Variants in PPP1R9A observed in about 807,000 individuals in gnomAD.
PPP1R9A encodes the protein protein phosphatase 1 regulatory subunit 9A.
A neutral mutation model predicts 141.9 loss-of-function variants in PPP1R9A; 59 were observed. The observed-to-expected ratio is 0.42, with a 90% CI of 0.34 to 0.52. PPP1R9A has a LOEUF of 0.52. PPP1R9A is among the 20% of genes least tolerant of loss of function. The pLI is 0.10. For missense variants in PPP1R9A, 1,444 were observed against 1,611.9 expected, an observed-to-expected ratio of 0.90 and a Z score of 1.78; for synonymous variants, 500 against 569.7, an observed-to-expected ratio of 0.88 and a Z score of 1.74.
intron 8 of PPP1R9A, among the ~76,000 whole-genome samples, chr7:95,241,706 G>A (rs1797494217): frequency 6.6e-6 from 1 of 152,034 alleles, no homozygotes; most frequent in Non-Finnish European, 1.5e-5. Context: ...AGAAAAAATG[G>A]AGTCTAAAAG....
chr7:95,137,934 C>CTTTTTTTTTT (rs1041692626), intron 4 of PPP1R9A, among the ~76,000 whole-genome samples: 2 of 134,530 alleles, frequency 1.5e-5, no homozygotes, highest in African/African-American at 5.6e-5. Flanking sequence ...TTCTTTTTTT[C>CTTTTTTTTTT]TTTTTTTTTT....
intron 2 of PPP1R9A, among the ~76,000 whole-genome samples, chr7:94,961,565 T>A (rs1254420913): frequency 6.6e-6 from 1 of 151,816 alleles, no homozygotes; most frequent in Non-Finnish European, 1.5e-5. Flanking sequence ...GTTATCTTTA[T>A]AGGAAGTTTA....
At chr7:95,058,600 A>G (rs1020817325) in intron 2 of PPP1R9A, among the ~76,000 whole-genome samples, 2 of 152,186 alleles carry the variant, frequency 1.3e-5, no homozygotes, top group Non-Finnish European at 2.9e-5. Flanking sequence ...TGTCATGACT[A>G]TCAGGCCAAA....
At position 94,971,469 on chromosome 7, in the gene PPP1R9A, G is replaced by A. The variant is rs115671075; in HGVS notation, c.1395+59961G>A. Among the ~76,000 whole-genome samples the A allele has an allele frequency of 5.1e-3, 780 of 152,298 alleles. 2 individuals carry two copies. Among genetic ancestry groups the A allele is most frequent in the African/African-American group, 0.018 (745 of 41,566 alleles). ...AGTTATTTTCTCATTGCAAAAGAAT[G>A]TGAAACAAACTGATTAAGTGTAAAA... On this transcript the variant is annotated intron_variant, in intron 2 of 19. Coordinates refer to ENST00000433360, the MANE Select transcript of PPP1R9A (RefSeq NM_001166160.2).
At chr7:95,087,749 G>T (rs948622136) in intron 2 of PPP1R9A, among the ~76,000 whole-genome samples, 15 of 151,846 alleles carry the variant, frequency 9.9e-5, no homozygotes, top group African/African-American at 3.4e-4. Context: ...ACAAAAATTA[G>T]CTGGGTGCGG....
chr7:95,000,991 GAGCCCTGTGTCTTA>G (rs1802841021), intron 2 of PPP1R9A, among the ~76,000 whole-genome samples: 2 of 152,116 alleles, frequency 1.3e-5, no homozygotes. Context: ...ATCTTGTGTA[GAGCCCTGTGTCTTA>G]ACATCCTCAT....
Position 95,203,743 on chromosome 7 carries a change from G to T in PPP1R9A, c.1956+13G>T. 1 of 1,522,672 alleles carries T rather than the reference G, an allele frequency of 6.6e-7. No individual in the cohort carries two copies. The highest frequency in any genetic ancestry group is 8.8e-7 in the Non-Finnish European group (1 of 1,134,900). The allele number at this position is 1,522,672 out of a possible 1,614,324, so 94.3% of individuals were successfully genotyped here. On this transcript the variant is annotated intron_variant, in intron 7 of 19. Transcript: ENST00000433360. ...CTATTTTCTTAAGGTTTGTTTTTTGGTTTAAAGTAATGCTTACCTGTACTT... is the reference window on the plus strand; with the variant it reads ...CTATTTTCTTAAGGTTTGTTTTTTGTTTTAAAGTAATGCTTACCTGTACTT...
chr7:95,004,922 T>C (rs769027921), intron 2 of PPP1R9A, among the ~76,000 whole-genome samples: 1 of 152,228 alleles, frequency 6.6e-6, no homozygotes, highest in Admixed American at 6.5e-5. Context: ...CTGTCGAATG[T>C]TTCCCTGTGG....
Position 95,286,243 on chromosome 7 carries a change from C to T in PPP1R9A, c.3647C>T (p.Thr1216Ile). The T allele has an allele frequency of 6.2e-7, 1 of 1,613,666 alleles. No individual in the cohort carries two copies. The highest frequency in any genetic ancestry group is 8.5e-7 in the Non-Finnish European group (1 of 1,179,692). Reference sequence around the variant, plus strand: ...AATGATGACTTCAGTCCCAGCAGTACCAGTTCAGCAGACCTCAGCGGCTTA... The same window carrying T: ...AATGATGACTTCAGTCCCAGCAGTATCAGTTCAGCAGACCTCAGCGGCTTA... ...TFNDDFSPSS[T>I]SSADLSGLGA... Residue 1216 changes from threonine to isoleucine, a missense_variant, in exon 18 of 20, where the codon ACC becomes ATC. By Grantham distance (89) the Thr-to-Ile change is moderately conservative. Coordinates refer to ENST00000433360, the MANE Select transcript of PPP1R9A (RefSeq NM_001166160.2).
At chr7:94,975,356 GTTTTTTTTTTT>G (rs68186534) in intron 2 of PPP1R9A, among the ~76,000 whole-genome samples, 1 of 120,714 alleles carries the variant, frequency 8.3e-6, no homozygotes, top group Non-Finnish European at 1.8e-5. Flanking sequence ...GTTTTTTTTT[GTTTTTTTTTTT>G]TTTTTTTTTT....
chr7:94,974,088 T>C (rs1320444828), intron 2 of PPP1R9A, among the ~76,000 whole-genome samples: 1 of 152,152 alleles, frequency 6.6e-6, no homozygotes. Context: ...TCCTGCACTC[T>C]GGCAACAATA....
At chr7:95,219,575 G>T (rs1252918250) in intron 7 of PPP1R9A, among the ~76,000 whole-genome samples, 3 of 151,952 alleles carry the variant, frequency 2.0e-5, no homozygotes, top group African/African-American at 7.2e-5. Flanking sequence ...TTCCAACTTG[G>T]TTCCATTCTC....
intron 7 of PPP1R9A, among the ~76,000 whole-genome samples, chr7:95,217,450 G>T (rs1406215496): frequency 6.6e-6 from 1 of 152,072 alleles, no homozygotes; most frequent in Non-Finnish European, 1.5e-5. Context: ...TTGTGTCTCT[G>T]CCAGGCTTTG....
At chr7:95,204,017 G>A (rs1381612618) in intron 7 of PPP1R9A, among the ~76,000 whole-genome samples, 1 of 151,960 alleles carries the variant, frequency 6.6e-6, no homozygotes. Context: ...CAAATTAAAG[G>A]GAAAAAGCAA....
chr7:95,042,024 G>T (rs1209460363), intron 2 of PPP1R9A, among the ~76,000 whole-genome samples: 1 of 152,094 alleles, frequency 6.6e-6, no homozygotes, highest in African/African-American at 2.4e-5. Context: ...ACTCACTGGT[G>T]GGGAGAGGGT....
At chr7:95,226,788 G>C (rs1258689365) in intron 8 of PPP1R9A, among the ~76,000 whole-genome samples, 2 of 152,152 alleles carry the variant, frequency 1.3e-5, no homozygotes, top group African/African-American at 2.4e-5. Flanking sequence ...GAAGAGATCA[G>C]ACTCCTGAGG....
intron 14 of PPP1R9A, among the ~76,000 whole-genome samples, chr7:95,269,818 C>G (rs1253198966): frequency 1.1e-4 from 17 of 152,028 alleles, no homozygotes; most frequent in Admixed American, 1.1e-3. Context: ...GAAAAAAACA[C>G]TACATAGTCA....
chr7:95,195,302 A>G (rs1257552605), intron 5 of PPP1R9A, among the ~76,000 whole-genome samples: 1 of 149,118 alleles, frequency 6.7e-6, no homozygotes, highest in Non-Finnish European at 1.5e-5. Context: ...TTTTCTTGAG[A>G]CAGGGTCTTG....
chr7:95,159,640 C>T (rs778940556), intron 4 of PPP1R9A, among the ~76,000 whole-genome samples: 5 of 151,958 alleles, frequency 3.3e-5, no homozygotes, highest in East Asian at 1.9e-4. Flanking sequence ...AAATATGACT[C>T]GGGCCGACCG....
Sources: gnomAD v4.1 joint callset for allele counts (sites outside exome capture counted in the v4.1 genomes callset) on GRCh38, gnomAD v4.1.1 for gene constraint, MANE v1.5 for transcripts, NCBI Gene and HGNC (gene_info 2026-07-23, HGNC 2026-07-21) for gene names.